The following NFIB variants were observed in gnomAD, a reference collection of about 807,000 sequenced individuals.
NFIB encodes nuclear factor 1 B-type.
Under a neutral mutation model 61.5 loss-of-function variants are expected in NFIB, and 11 were observed. The ratio of observed to expected loss-of-function variants is 0.18; its 90% CI spans 0.11 to 0.30. NFIB has a LOEUF of 0.30. NFIB is among the 10% of genes least tolerant of loss of function. NFIB has a pLI of 1.00. For missense variants in NFIB, 471 were observed against 608.9 expected (o/e 0.77, Z 2.38); for synonymous variants, 260 against 216.5 (o/e 1.20, Z -1.76).
chr9:14,281,875 T>G (rs143321893), intron 2 of NFIB, among the ~76,000 whole-genome samples: 103 of 152,074 alleles, frequency 6.8e-4, no homozygotes, highest in African/African-American at 2.4e-3. Context: ...ATTAATTCAG[T>G]GAACATAAGA....
chr9:14,398,618 G>A (rs1367460097), exon 1 of NFIB: 1 of 1,531,038 alleles, frequency 6.5e-7, no homozygotes, highest in Non-Finnish European at 8.7e-7. Flanking sequence ...CACAGACACT[G>A]GGATTCTTTC....
chr9:14,385,304 C>T (rs1021968023), intron 1 of NFIB, among the ~76,000 whole-genome samples: 7 of 152,214 alleles, frequency 4.6e-5, no homozygotes, highest in South Asian at 4.1e-4. Flanking sequence ...CACAGTCCAT[C>T]TATTTACAAA....
chr9:14,434,008 C>T, the NFIB span, among the ~76,000 whole-genome samples: 3 of 152,170 alleles, frequency 2.0e-5, no homozygotes, highest in African/African-American at 4.8e-5. Flanking sequence ...TATACGATCA[C>T]GGCAAGCTAC....
chr9:14,286,451 A>G (rs1474903161), intron 2 of NFIB, among the ~76,000 whole-genome samples: 1 of 152,190 alleles, frequency 6.6e-6, no homozygotes, highest in Non-Finnish European at 1.5e-5. Context: ...ACACACTACA[A>G]AAATATTTTT....
At chr9:14,513,000 C>G in the NFIB span, among the ~76,000 whole-genome samples, 6 of 148,562 alleles carry the variant, frequency 4.0e-5, no homozygotes, top group African/African-American at 1.5e-4. Context: ...GACAATGTAA[C>G]TGCTTAGGTT....
intron 1 of NFIB, among the ~76,000 whole-genome samples, chr9:14,347,636 G>A (rs1162688558): frequency 4.0e-5 from 6 of 151,894 alleles, no homozygotes; most frequent in African/African-American, 1.5e-4. Context: ...GGCGGTTGAA[G>A]ATCCAAGTCT....
In NFIB at chr9:14,087,945, T is replaced by C. The variant is rs932901965; in HGVS notation, c.*364A>G. The C allele has an allele frequency of 3.9e-6, 1 of 258,498 alleles. No individual in the cohort carries two copies. The highest frequency in any genetic ancestry group is 7.5e-6 in the Non-Finnish European group (1 of 134,160). The allele number at this position is 258,498 out of a possible 1,614,324, so 16.0% of individuals were successfully genotyped here. On this transcript the variant is annotated 3_prime_UTR_variant, in exon 11 of 11. Transcript: ENST00000380953. ...ACAGAACATCTATTTCCCAGCGGAC[T>C]TCATGTAACAAAGGCTACGTTGCAG...
At chr9:14,496,226 C>T in the NFIB span, among the ~76,000 whole-genome samples, 14 of 152,284 alleles carry the variant, frequency 9.2e-5, no homozygotes, top group South Asian at 1.7e-3. Context: ...TATAGTGAGA[C>T]ATCTTGGGGA....
rs1056075382 is a variant in NFIB at position 14,197,218 on chromosome 9, T to C, written c.563-17438A>G. 6.6e-5 allele frequency among the ~76,000 whole-genome samples: 10 copies of C among 152,222 alleles called. 1 individual carries two copies. The highest frequency in any genetic ancestry group is 4.1e-4 in the South Asian group (2 of 4,832). On this transcript the variant is annotated intron_variant, in intron 2 of 10. Transcript: ENST00000380953. ...GTAATAGAAAAACCTTGATTTTTCA[T>C]TGCATTTCCCCTTCTGACTTTCTTA...
At chr9:14,465,806 T>C in the NFIB span, among the ~76,000 whole-genome samples, 2 of 152,086 alleles carry the variant, frequency 1.3e-5, no homozygotes, top group South Asian at 2.1e-4. Context: ...TGGGGGCCCA[T>C]CCTGTGCACT....
At chr9:14,303,770 C>T (rs1292507805) in intron 2 of NFIB, among the ~76,000 whole-genome samples, 1 of 152,080 alleles carries the variant, frequency 6.6e-6, no homozygotes, top group Admixed American at 6.5e-5. Context: ...TTTTTTTTCC[C>T]CCTCGCCTGG....
At chr9:14,300,904 T>C (rs1463237672) in intron 2 of NFIB, among the ~76,000 whole-genome samples, 1 of 152,180 alleles carries the variant, frequency 6.6e-6, no homozygotes. Context: ...CCTTGCTATA[T>C]TGGGTATCTT....
the NFIB span, among the ~76,000 whole-genome samples, chr9:14,426,915 A>T: frequency 1.3e-5 from 2 of 152,184 alleles, no homozygotes; most frequent in African/African-American, 4.8e-5. Flanking sequence ...ACTGAGATCC[A>T]GCAGAAATAT....
chr9:14,358,948 T>C (rs555448523), intron 1 of NFIB, among the ~76,000 whole-genome samples: 6 of 152,348 alleles, frequency 3.9e-5, no homozygotes, highest in African/African-American at 1.4e-4. Flanking sequence ...CATTTTACTA[T>C]TATTTATGCT....
intron 1 of NFIB, among the ~76,000 whole-genome samples, chr9:14,387,835 T>C (rs1465354480): frequency 1.3e-5 from 2 of 152,190 alleles, no homozygotes; most frequent in African/African-American, 4.8e-5. Context: ...AATTTCCCCA[T>C]TATGACACAC....
chr9:14,169,148 G>A (rs1466778765), intron 3 of NFIB, among the ~76,000 whole-genome samples: 1 of 152,048 alleles, frequency 6.6e-6, no homozygotes, highest in African/African-American at 2.4e-5. Context: ...AAACATTACT[G>A]CAAAATACAC....
intron 1 of NFIB, among the ~76,000 whole-genome samples, chr9:14,312,683 G>A (rs906407902): frequency 3.3e-5 from 5 of 151,958 alleles, no homozygotes; most frequent in Admixed American, 2.6e-4. Flanking sequence ...TATTCCTAAG[G>A]TCTTAGGACA....
chr9:14,436,611 C>T, the NFIB span, among the ~76,000 whole-genome samples: 7 of 152,218 alleles, frequency 4.6e-5, no homozygotes, highest in Non-Finnish European at 7.3e-5. Flanking sequence ...GCGCCAAATA[C>T]CTGTGACTCA....
At chr9:14,523,934 C>T in the NFIB span, among the ~76,000 whole-genome samples, 1 of 152,164 alleles carries the variant, frequency 6.6e-6, no homozygotes, top group Non-Finnish European at 1.5e-5. Context: ...ATAATTCCAA[C>T]ATGCCTCTAG....
Sources: allele counts gnomAD v4.1 joint callset (sites outside exome capture counted in the v4.1 genomes callset), GRCh38; gene constraint gnomAD v4.1.1; transcripts MANE v1.5; gene names NCBI Gene and HGNC (gene_info 2026-07-23, HGNC 2026-07-21).